Variants in ENOX1 observed in about 807,000 individuals in gnomAD.
The protein encoded by ENOX1 is ecto-NOX disulfide-thiol exchanger 1.
ENOX1 carries 42 observed loss-of-function variants against 82.5 expected under a neutral mutation model. That is an observed-to-expected ratio of 0.51 (90% confidence interval 0.40 to 0.66). ENOX1 has a LOEUF of 0.66. Ranked by LOEUF, ENOX1 falls within the 30% of genes least tolerant of loss-of-function variation. The pLI is 0.00. For missense variants in ENOX1, 608 were observed against 811.6 expected (o/e 0.75, Z 3.05); for synonymous variants, 271 against 282.2 (o/e 0.96, Z 0.40).
chr13:43,584,297 C>T (rs2080879232), intron 2 of ENOX1, among the ~76,000 whole-genome samples: 1 of 152,192 alleles, frequency 6.6e-6, no homozygotes, highest in Non-Finnish European at 1.5e-5. Flanking sequence ...ACACCCATCC[C>T]CCCACTATAC....
intron 3 of ENOX1, among the ~76,000 whole-genome samples, chr13:43,452,930 T>C (rs1397060278): frequency 6.6e-6 from 1 of 152,236 alleles, no homozygotes; most frequent in African/African-American, 2.4e-5. Context: ...AATCCTGTTA[T>C]AGTCTGTTAG....
intron 1 of ENOX1, among the ~76,000 whole-genome samples, chr13:43,760,561 A>G (rs1950907540): frequency 6.6e-6 from 1 of 152,056 alleles, no homozygotes; most frequent in Non-Finnish European, 1.5e-5. Context: ...TGTTTTCTTT[A>G]GGGCCCGTTG....
chr13:43,689,508 T>C (rs1228202689), intron 1 of ENOX1, among the ~76,000 whole-genome samples: 3 of 152,238 alleles, frequency 2.0e-5, no homozygotes, highest in African/African-American at 7.2e-5. Flanking sequence ...GTGCCTCTGA[T>C]ATTTAGATGA....
chr13:43,586,479 G>C (rs1412621815), intron 2 of ENOX1, among the ~76,000 whole-genome samples: 1 of 152,070 alleles, frequency 6.6e-6, no homozygotes, highest in Non-Finnish European at 1.5e-5. Flanking sequence ...ATATCTTTCA[G>C]TACTAAACCA....
intron 9 of ENOX1, among the ~76,000 whole-genome samples, chr13:43,335,598 C>T (rs999445732): frequency 2.0e-5 from 3 of 151,994 alleles, no homozygotes; most frequent in Non-Finnish European, 4.4e-5. Flanking sequence ...AGAAGTTATA[C>T]CTTTCCTGAT....
At position 43,724,015 on chromosome 13, in the gene ENOX1, A is replaced by G. The variant is rs2088761172; in HGVS notation, c.-284-56471T>C. Among the ~76,000 whole-genome samples the G allele has an allele frequency of 2.0e-5, 3 of 152,346 alleles. No individual in the cohort carries two copies. The South Asian group carries it at 6.2e-4, about 32-fold the overall frequency. On this transcript the variant is annotated intron_variant, in intron 1 of 16. Coordinates refer to ENST00000690772, the MANE Select transcript of ENOX1 (RefSeq NM_001347969.2). ...TATATTTGAAACCACATCATAAATT[A>G]TACTGTAATACCTATCTGCCTCAAA...
chr13:43,290,138 AG>A (rs929174552), intron 12 of ENOX1, among the ~76,000 whole-genome samples: 6 of 152,248 alleles, frequency 3.9e-5, no homozygotes, highest in African/African-American at 1.2e-4. Context: ...AATATAAATT[AG>A]TAAAGCCACT....
At chr13:43,581,115 C>G (rs1052701995) in intron 2 of ENOX1, among the ~76,000 whole-genome samples, 1 of 145,732 alleles carries the variant, frequency 6.9e-6, no homozygotes. Context: ...TATTTTAGCA[C>G]TACCTGATTC....
chr13:43,374,029 A>G (rs1222910579), intron 5 of ENOX1, among the ~76,000 whole-genome samples: 2 of 152,024 alleles, frequency 1.3e-5, no homozygotes, highest in Non-Finnish European at 2.9e-5. Flanking sequence ...GATCAAAAGC[A>G]GAGACTATCC....
intron 1 of ENOX1, among the ~76,000 whole-genome samples, chr13:43,721,158 G>A (rs2088548730): frequency 6.6e-6 from 1 of 152,120 alleles, no homozygotes; most frequent in African/African-American, 2.4e-5. Flanking sequence ...GGTTTGGTAA[G>A]GACGGAGTTG....
intron 5 of ENOX1, among the ~76,000 whole-genome samples, chr13:43,396,621 T>A (rs189848257): frequency 6.3e-4 from 96 of 152,244 alleles, no homozygotes; most frequent in African/African-American, 2.3e-3. Flanking sequence ...CCTCAGGGGA[T>A]CTGCCCACCT....
rs111871524 is a variant in ENOX1 at position 43,583,525 on chromosome 13, G to A, written c.-219+83954C>T. Among the ~76,000 whole-genome samples, 870 of 151,948 alleles carry A rather than the reference G, an allele frequency of 5.7e-3. 9 individuals are homozygous for A. The highest frequency in any genetic ancestry group is 0.02 in the African/African-American group (831 of 41,448). Reference sequence around the variant, plus strand: ...TGCTATTTCCTATCCCTTAACCTCCGCTAATTTTGTATCTATGTTTGGAAT... The same window carrying A: ...TGCTATTTCCTATCCCTTAACCTCCACTAATTTTGTATCTATGTTTGGAAT... On this transcript the variant is annotated intron_variant, in intron 2 of 16. Coordinates refer to ENST00000690772, the MANE Select transcript of ENOX1 (RefSeq NM_001347969.2).
intron 1 of ENOX1, among the ~76,000 whole-genome samples, chr13:43,748,437 AG>A (rs1950140301): frequency 6.6e-6 from 1 of 152,224 alleles, no homozygotes; most frequent in Non-Finnish European, 1.5e-5. Flanking sequence ...TTGACTAAAA[AG>A]TTCTAAACTA....
intron 1 of ENOX1, among the ~76,000 whole-genome samples, chr13:43,719,044 G>C (rs1160672615): frequency 2.0e-5 from 3 of 151,982 alleles, no homozygotes; most frequent in African/African-American, 7.3e-5. Flanking sequence ...ATCTCTCAAG[G>C]AGGCAACTGA....
intron 3 of ENOX1, among the ~76,000 whole-genome samples, chr13:43,460,402 C>T (rs755172032): frequency 3.2e-4 from 49 of 152,114 alleles, no homozygotes; most frequent in Non-Finnish European, 5.3e-4. Flanking sequence ...CCAAAACCAC[C>T]TCTGTGGTAT....
chr13:43,335,548 G>A (rs1302789749), intron 9 of ENOX1, among the ~76,000 whole-genome samples: 1 of 151,910 alleles, frequency 6.6e-6, no homozygotes, highest in Non-Finnish European at 1.5e-5. Context: ...CCTAGACCTG[G>A]GCTCATATCA....
At chr13:43,526,405 G>C (rs1223922590) in intron 2 of ENOX1, among the ~76,000 whole-genome samples, 1 of 151,916 alleles carries the variant, frequency 6.6e-6, no homozygotes, top group Non-Finnish European at 1.5e-5. Context: ...TGAAAAACCA[G>C]GATGAAAAAC....
chr13:43,250,772 A>G (rs962697344), intron 14 of ENOX1, among the ~76,000 whole-genome samples: 1 of 152,230 alleles, frequency 6.6e-6, no homozygotes, highest in Admixed American at 6.5e-5. Context: ...AGAATGTAGG[A>G]GTCTATAGGG....
chr13:43,251,572 A>G (rs915732533), intron 14 of ENOX1, among the ~76,000 whole-genome samples: 1 of 152,234 alleles, frequency 6.6e-6, no homozygotes, highest in Non-Finnish European at 1.5e-5. Context: ...AATTGTAGGA[A>G]TCTAGAGAAG....
Sources: gnomAD v4.1 joint callset for allele counts (sites outside exome capture counted in the v4.1 genomes callset) on GRCh38, gnomAD v4.1.1 for gene constraint, MANE v1.5 for transcripts, NCBI Gene and HGNC (gene_info 2026-07-23, HGNC 2026-07-21) for gene names.